LEF1: variants seen among roughly 807,000 people sequenced by gnomAD.
LEF1 encodes the protein lymphoid enhancer binding factor 1, also known as lymphoid enhancer-binding factor 1.
Under a neutral mutation model 51.2 loss-of-function variants are expected in LEF1, and 14 were observed. The ratio of observed to expected loss-of-function variants is 0.27; its 90% CI spans 0.18 to 0.43. The LOEUF (loss-of-function observed/expected upper bound fraction) is 0.43, where lower values mean the gene tolerates loss of function less well. Among genes scored for constraint, LEF1 ranks in the 20% least tolerant of loss-of-function variants. LEF1 has a pLI of 1.00. For missense variants in LEF1, 386 were observed against 512.0 expected (o/e 0.75, Z 2.37); for synonymous variants, 185 against 183.2 (o/e 1.01, Z -0.08).
chr4:108,141,287 T>C lies in LEF1; in HGVS notation c.414+22281A>G, dbSNP rs548765976. On this transcript the variant is annotated intron_variant, in intron 3 of 11. Coordinates refer to ENST00000265165, the MANE Select transcript of LEF1 (RefSeq NM_016269.5). ...TGTTCCCTGAAGTTGTTCAGCTTGC[T>C]GAAATATGGTTACATATGCAAACAT... Among the ~76,000 whole-genome samples the C allele has an allele frequency of 1.8e-4, 28 of 152,356 alleles. No individual in the cohort carries two copies. In the South Asian group the frequency reaches 5.8e-3, roughly 32 times the overall value.
At chr4:108,123,373 C>G (rs4440301) in intron 3 of LEF1, among the ~76,000 whole-genome samples, 9 of 142,698 alleles carry the variant, frequency 6.3e-5, no homozygotes. Flanking sequence ...AGGTTTATTT[C>G]TAGTTTGCCT....
chr4:108,103,435 T>C (rs1382404011), intron 3 of LEF1, among the ~76,000 whole-genome samples: 1 of 152,250 alleles, frequency 6.6e-6, no homozygotes, highest in East Asian at 1.9e-4. Flanking sequence ...AATGAATTTA[T>C]GTGCCTATGT....
At chr4:108,138,473 T>C (rs1470828477) in intron 3 of LEF1, among the ~76,000 whole-genome samples, 1 of 150,826 alleles carries the variant, frequency 6.6e-6, no homozygotes, top group Non-Finnish European at 1.5e-5. Flanking sequence ...CTTTAAACAC[T>C]GCATTATATG....
intron 3 of LEF1, among the ~76,000 whole-genome samples, chr4:108,113,685 C>A (rs1312979164): frequency 6.6e-6 from 1 of 152,108 alleles, no homozygotes; most frequent in Non-Finnish European, 1.5e-5. Context: ...GGAGGATGGG[C>A]AAATGCAAAA....
chr4:108,056,447 T>A (rs1737306791), intron 11 of LEF1, among the ~76,000 whole-genome samples: 1 of 152,234 alleles, frequency 6.6e-6, no homozygotes, highest in Non-Finnish European at 1.5e-5. Flanking sequence ...TTCCGGCACT[T>A]GCCATCAAAA....
At chr4:108,050,316 G>T (rs2072401133) in intron 11 of LEF1, among the ~76,000 whole-genome samples, 1 of 152,204 alleles carries the variant, frequency 6.6e-6, no homozygotes, top group Non-Finnish European at 1.5e-5. Flanking sequence ...CCTTAGGTAA[G>T]GCAGTGAAGG....
At chr4:108,164,170 C>T (rs1745244587) in intron 2 of LEF1, among the ~76,000 whole-genome samples, 1 of 151,786 alleles carries the variant, frequency 6.6e-6, no homozygotes, top group South Asian at 2.1e-4. Context: ...AGAAAAATTT[C>T]TAGATTCTAC....
At chr4:108,091,658 T>C (rs943670050) in intron 3 of LEF1, among the ~76,000 whole-genome samples, 3 of 152,144 alleles carry the variant, frequency 2.0e-5, no homozygotes, top group African/African-American at 7.2e-5. Context: ...CATCTATGCA[T>C]ATAAATGTGT....
chr4:108,114,814 T>C (rs571769086), intron 3 of LEF1, among the ~76,000 whole-genome samples: 142 of 152,330 alleles, frequency 9.3e-4, no homozygotes, highest in African/African-American at 3.2e-3. Flanking sequence ...CTGAGAGAAC[T>C]ACCCTTCCTT....
intron 9 of LEF1, among the ~76,000 whole-genome samples, chr4:108,066,594 C>T (rs1293717426): frequency 2.0e-5 from 3 of 152,206 alleles, no homozygotes; most frequent in African/African-American, 4.8e-5. Flanking sequence ...TGCACCGTTA[C>T]GCTTCTACCG....
At chr4:108,159,657 T>A (rs549147501) in intron 3 of LEF1, among the ~76,000 whole-genome samples, 18 of 152,252 alleles carry the variant, frequency 1.2e-4, no homozygotes, top group African/African-American at 4.3e-4. Flanking sequence ...AATGACAAAA[T>A]CAGATTTTAG....
In LEF1 at chr4:108,048,588, G is replaced by A. The variant is rs934127011; in HGVS notation, c.*170C>T. On this transcript the variant is annotated 3_prime_UTR_variant, in exon 12 of 12. Coordinates refer to ENST00000265165, the MANE Select transcript of LEF1 (RefSeq NM_016269.5). Reference sequence around the variant, plus strand: ...GCAGTGATTGTCTTTATGGATCAGCGTCTCTAGCAGTGACCTCAGGGTAAA... The same window carrying A: ...GCAGTGATTGTCTTTATGGATCAGCATCTCTAGCAGTGACCTCAGGGTAAA... 1.5e-5 allele frequency: 11 copies of A among 732,236 alleles called. No individual in the cohort carries two copies. The highest frequency in any genetic ancestry group is 3.3e-5 in the South Asian group (1 of 30,008). 45.4% of individuals were successfully genotyped at this position (732,236 alleles called of 1,614,324 possible). A position where few individuals can be genotyped will look rare whatever the true frequency, so the allele number is the denominator to read the frequency against.
At chr4:108,142,886 G>T (rs1218666837) in intron 3 of LEF1, among the ~76,000 whole-genome samples, 1 of 152,138 alleles carries the variant, frequency 6.6e-6, no homozygotes, top group Non-Finnish European at 1.5e-5. Context: ...AATGCATCTC[G>T]TTTAACAAAG....
At chr4:108,062,747 A>G (rs1056406003) in intron 11 of LEF1, among the ~76,000 whole-genome samples, 2 of 152,200 alleles carry the variant, frequency 1.3e-5, no homozygotes, top group African/African-American at 4.8e-5. Flanking sequence ...CACCTGAACT[A>G]GGGCTATGGC....
chr4:108,166,435 G>T, intron 1 of LEF1: 1 of 1,410,956 alleles, frequency 7.1e-7, no homozygotes, highest in Non-Finnish European at 9.2e-7. Flanking sequence ...GGAGGGAAAA[G>T]GCGTTGGTTA....
chr4:108,105,196 T>G (rs991650498), intron 3 of LEF1, among the ~76,000 whole-genome samples: 1 of 151,692 alleles, frequency 6.6e-6, no homozygotes, highest in African/African-American at 2.4e-5. Context: ...TTTTTTTTTT[T>G]TTGAGATGGA....
chr4:108,059,143 A>G (rs62313564), intron 11 of LEF1, among the ~76,000 whole-genome samples: 9,375 of 152,314 alleles, frequency 0.062, 287 homozygotes, highest in African/African-American at 0.076. Context: ...TGATTTCACC[A>G]GGGTGAAACA....
At chr4:108,076,299 A>G (rs1185314481) in intron 8 of LEF1, among the ~76,000 whole-genome samples, 2 of 152,210 alleles carry the variant, frequency 1.3e-5, no homozygotes, top group Non-Finnish European at 2.9e-5. Flanking sequence ...GAAGCTCCAG[A>G]AAGGGGCTGT....
At chr4:108,065,674 T>C (rs981323634) in intron 9 of LEF1, among the ~76,000 whole-genome samples, 2 of 152,168 alleles carry the variant, frequency 1.3e-5, no homozygotes, top group Non-Finnish European at 2.9e-5. Flanking sequence ...TATGCACTTT[T>C]ATAGAGCCAC....
Sources: gnomAD v4.1 joint callset for allele counts (sites outside exome capture counted in the v4.1 genomes callset) on GRCh38, gnomAD v4.1.1 for gene constraint, MANE v1.5 for transcripts, NCBI Gene and HGNC (gene_info 2026-07-23, HGNC 2026-07-21) for gene names.